The following SOAT1 variants were observed in gnomAD, a reference collection of about 807,000 sequenced individuals.
The protein encoded by SOAT1 is acyl-coenzyme A:cholesterol acyltransferase 1.
A neutral mutation model predicts 69.5 loss-of-function variants in SOAT1; 55 were observed. The observed-to-expected ratio is 0.79, with a 90% CI of 0.64 to 0.99. The LOEUF is 0.99. SOAT1 is among the 50% of genes least tolerant of loss of function. The pLI, the probability that SOAT1 is intolerant of heterozygous loss-of-function variation, is 0.00. For synonymous variants in SOAT1, 231 were observed against 224.7 expected (o/e 1.03, Z -0.25); for missense variants, 580 against 669.3 (o/e 0.87, Z 1.47).
chr1:179,341,926 TCA>T (rs1666353008), intron 7 of SOAT1, 186 bp from the exon 8 acceptor site: 1 of 378,280 alleles, frequency 2.6e-6, no homozygotes, highest in Non-Finnish European at 3.6e-6. Context: ...ATTAAAAACT[TCA>T]CTTTTGAAAT....
chr1:179,340,480 C>T (rs529255254), intron 6 of SOAT1, among the ~76,000 whole-genome samples: 1 of 152,080 alleles, frequency 6.6e-6, no homozygotes, highest in African/African-American at 2.4e-5. Context: ...GACCAGATCT[C>T]AAAATAAAAT....
At chr1:179,343,418 G>T (rs1021361083) in intron 9 of SOAT1, among the ~76,000 whole-genome samples, 172 bp from the exon 10 acceptor site, 2 of 151,844 alleles carry the variant, frequency 1.3e-5, no homozygotes, top group East Asian at 1.9e-4. Flanking sequence ...TTAGAGACGG[G>T]GTTTCACCAT....
intron 3 of SOAT1, among the ~76,000 whole-genome samples, chr1:179,332,387 A>G (rs1301027054): frequency 1.3e-5 from 2 of 152,174 alleles, no homozygotes; most frequent in African/African-American, 4.8e-5. Context: ...TGTTCCAACC[A>G]TAGGGTCTTT....
intron 14 of SOAT1, among the ~76,000 whole-genome samples, chr1:179,351,021 CTTTTTTTTTTTTTTT>C (rs201449849): frequency 7.1e-5 from 9 of 127,582 alleles, no homozygotes; most frequent in East Asian, 2.1e-4. Flanking sequence ...ATATTTCTTT[CTTTTTTTTTTTTTTT>C]TTTTTTTTTT....
chr1:179,313,952 A>C (rs1043852517), intron 2 of SOAT1, among the ~76,000 whole-genome samples: 2 of 152,202 alleles, frequency 1.3e-5, no homozygotes, highest in Non-Finnish European at 2.9e-5. Context: ...TAAGTAGATA[A>C]GCTTCCCTTA....
At chr1:179,337,645 A>G (rs1571443267) in intron 4 of SOAT1, among the ~76,000 whole-genome samples, 192 bp from the exon 5 acceptor site, 1 of 152,160 alleles carries the variant, frequency 6.6e-6, no homozygotes, top group Non-Finnish European at 1.5e-5. Context: ...AGTAACATAC[A>G]TAAAACTGTA....
chr1:179,333,226 A>G (rs530977934), intron 3 of SOAT1, among the ~76,000 whole-genome samples: 1 of 152,214 alleles, frequency 6.6e-6, no homozygotes, highest in African/African-American at 2.4e-5. Flanking sequence ...GTCAGGTGCT[A>G]TCCTGTGTGT....
At chr1:179,301,059 C>T (rs763674574) in intron 1 of SOAT1, among the ~76,000 whole-genome samples, 5 of 152,090 alleles carry the variant, frequency 3.3e-5, no homozygotes, top group Non-Finnish European at 7.4e-5. Context: ...TGCACCATTG[C>T]ACTCCCACCT....
At chr1:179,302,826 AGGT>A in intron 2 of SOAT1, 24 bp downstream of exon 2, 1 of 1,110,578 alleles carries the variant, frequency 9.0e-7, no homozygotes, top group Non-Finnish European at 1.3e-6. Flanking sequence ...TTTTTTTTTT[AGGT>A]GAATTAGTGA....
intron 3 of SOAT1, among the ~76,000 whole-genome samples, chr1:179,323,994 T>C (rs1034077767): frequency 2.7e-4 from 41 of 152,320 alleles, no homozygotes; most frequent in Middle Eastern, 3.4e-3. Flanking sequence ...GAACACTTTT[T>C]TAAAAAAACA....
intron 2 of SOAT1, among the ~76,000 whole-genome samples, chr1:179,313,196 A>G (rs894752239): frequency 6.6e-6 from 1 of 152,186 alleles, no homozygotes; most frequent in Non-Finnish European, 1.5e-5. Context: ...TTGTGTTTGT[A>G]GTGCTTTCTC....
chr1:179,323,450 A>G lies in SOAT1; in HGVS notation c.132A>G (p.Ile44Met), dbSNP rs755609390. 5 of 1,613,782 alleles carry G rather than the reference A, an allele frequency of 3.1e-6. No homozygotes were observed. Among genetic ancestry groups the G allele is most frequent in the Non-Finnish European group, 4.2e-6 (5 of 1,179,906 alleles). Residue 44 changes from isoleucine to methionine, a missense_variant, in exon 3 of 16, where the codon ATA becomes ATG. Ile to Met is a conservative substitution (Grantham distance 10, BLOSUM62 1). Transcript: ENST00000367619. ...LETPSNGRIDIKQLIAKKIKL... is the reference protein window; with the variant it reads ...LETPSNGRIDMKQLIAKKIKL... ...TTCTTCCCGTAGGTCGAATTGACAT[A>G]AAACAGTTGATAGCAAAGAAGATAA...
chr1:179,306,635 A>G (rs1665013752), intron 2 of SOAT1, among the ~76,000 whole-genome samples: 1 of 152,034 alleles, frequency 6.6e-6, no homozygotes, highest in African/African-American at 2.4e-5. Flanking sequence ...GATCAAGACC[A>G]TCCTGGCTAA....
At chr1:179,304,026 T>C (rs1664921112) in intron 2 of SOAT1, among the ~76,000 whole-genome samples, 1 of 152,266 alleles carries the variant, frequency 6.6e-6, no homozygotes, top group African/African-American at 2.4e-5. Flanking sequence ...TGTTCTTTAT[T>C]GTCCTAGTTC....
intron 2 of SOAT1, among the ~76,000 whole-genome samples, chr1:179,317,702 T>A: frequency 6.6e-6 from 1 of 152,046 alleles, no homozygotes. Flanking sequence ...TTTCACAGTT[T>A]TCAGTATTCA....
At chr1:179,319,340 G>A (rs1003261839) in intron 2 of SOAT1, among the ~76,000 whole-genome samples, 1 of 150,998 alleles carries the variant, frequency 6.6e-6, no homozygotes, top group African/African-American at 2.4e-5. Flanking sequence ...CGCGATCTCG[G>A]CTCACTGCAA....
chr1:179,351,720 A>ATTTTTTTTTTTTTTTTTTTTTT (rs1558061106), intron 15 of SOAT1, among the ~76,000 whole-genome samples: 14 of 43,474 alleles, frequency 3.2e-4, no homozygotes, highest in African/African-American at 1.1e-3. Flanking sequence ...AGCCCCTTCT[A>ATTTTTTTTTTTTTTTTTTTTTT]ATTTTTTTTT....
At chr1:179,347,375 A>AAAC (rs397944528) in intron 11 of SOAT1, among the ~76,000 whole-genome samples, 1 of 151,156 alleles carries the variant, frequency 6.6e-6, no homozygotes, top group African/African-American at 2.4e-5. Flanking sequence ...AAAAAAAAAA[A>AAAC]CCAGACTGGG....
At chr1:179,338,204 C>T (rs1278212836) in intron 5 of SOAT1, among the ~76,000 whole-genome samples, 17 of 151,988 alleles carry the variant, frequency 1.1e-4, no homozygotes, top group Admixed American at 1.1e-3. Flanking sequence ...GTTTGGGCAA[C>T]ACGGCAAGTC....
Sources: allele counts gnomAD v4.1 joint callset (sites outside exome capture counted in the v4.1 genomes callset), GRCh38; gene constraint gnomAD v4.1.1; transcripts MANE v1.5; gene names NCBI Gene and HGNC (gene_info 2026-07-23, HGNC 2026-07-21).